GALNT9: variants seen among roughly 807,000 people sequenced by gnomAD.
GALNT9 encodes GalNAc transferase 9.
A neutral mutation model predicts 63.1 loss-of-function variants in GALNT9; 47 were observed. The observed-to-expected ratio is 0.75, with a 90% CI of 0.59 to 0.95. The LOEUF is 0.95. GALNT9 is among the 40% of genes least tolerant of loss of function. GALNT9 has a pLI of 0.00. For missense variants in GALNT9, 829 were observed against 874.8 expected, an observed-to-expected ratio of 0.95 and a Z score of 0.66; for synonymous variants, 396 against 365.7, an observed-to-expected ratio of 1.08 and a Z score of -0.94.
chr12:132,278,525 G>A (rs1478211223), intron 2 of GALNT9: 1 of 152,174 alleles, frequency 6.6e-6, no homozygotes, highest in Admixed American at 6.5e-5. Flanking sequence ...AACACCTGCG[G>A]GCCAGTGACT....
intron 1 of GALNT9, among the ~76,000 whole-genome samples, chr12:132,308,412 G>A (rs930046875): frequency 6.6e-5 from 10 of 152,224 alleles, no homozygotes; most frequent in African/African-American, 2.4e-4. Flanking sequence ...CCCTGCCCCG[G>A]GCCCCAGCGC....
chr12:132,221,464 G>C (rs1265898795), intron 6 of GALNT9, among the ~76,000 whole-genome samples: 1 of 149,692 alleles, frequency 6.7e-6, no homozygotes, highest in Non-Finnish European at 1.5e-5. Flanking sequence ...TTCAAGACCA[G>C]CCTGGCCAAC....
At chr12:132,322,018 C>T (rs1868826381) in intron 1 of GALNT9, among the ~76,000 whole-genome samples, 1 of 151,240 alleles carries the variant, frequency 6.6e-6, no homozygotes, top group Admixed American at 6.6e-5. Flanking sequence ...CCCACTGTCT[C>T]TCCTCGTCTT....
chr12:132,318,606 G>A (rs1868636802), intron 1 of GALNT9, among the ~76,000 whole-genome samples: 1 of 152,250 alleles, frequency 6.6e-6, no homozygotes, highest in African/African-American at 2.4e-5. Context: ...TGCAGGTTCA[G>A]GGCCGCCCTA....
At chr12:132,303,438 C>G (rs61945671) in intron 1 of GALNT9, among the ~76,000 whole-genome samples, 43,908 of 89,116 alleles carry the variant, frequency 0.49, 11,212 homozygotes, top group East Asian at 0.69. Flanking sequence ...CCCGGGCACA[C>G]CCTCGCCCGG....
Position 132,276,861 on chromosome 12 carries a change from T to C in GALNT9, c.419+9389A>G, listed in dbSNP as rs1273641327. ...GGAGAAAGTGGTGAGGAGTTGGGTT[T>C]GAAAGTGGATGGAATCACCTGTTGG... is the stretch of plus-strand genomic sequence containing the variant. On this transcript the variant is annotated intron_variant, in intron 2 of 10. Transcript: ENST00000328957. Among the ~76,000 whole-genome samples, 12 of 152,272 alleles carry C rather than the reference T, an allele frequency of 7.9e-5. No individual in the cohort carries two copies. In the Middle Eastern group the frequency reaches 0.01, roughly 129 times the overall value.
Position 132,327,947 on chromosome 12 carries a change from C to T in GALNT9, c.238+1019G>A, listed in dbSNP as rs1869109387. On this transcript the variant is annotated intron_variant, in intron 1 of 10. Coordinates refer to ENST00000328957, the MANE Select transcript of GALNT9 (RefSeq NM_001122636.2). This position sits in a 1 kb window ranked among gnomAD's most constrained non-coding sequence, Gnocchi z 4.3. The stretch of plus-strand genomic sequence containing the variant: ...GAGCCCCCGCCTGCCCGCGTAACCC[C>T]AGCTCCCGTCACCTCCCACTCGAGC... 6.6e-6 allele frequency among the ~76,000 whole-genome samples: 1 copy of T among 152,146 alleles called. No individual in the cohort carries two copies.
chr12:132,203,770 CCAAGG>C, intron 6 of GALNT9, 80 bp from the exon 7 acceptor site: 1 of 1,470,710 alleles, frequency 6.8e-7, no homozygotes, highest in African/African-American at 1.6e-5. Flanking sequence ...CCGTGAGAGG[CCAAGG>C]GGCCCGGCCC....
At chr12:132,204,525 G>A (rs1388180635) in intron 6 of GALNT9, among the ~76,000 whole-genome samples, 2 of 152,280 alleles carry the variant, frequency 1.3e-5, no homozygotes, top group East Asian at 3.9e-4. Context: ...ATTCGGGCTG[G>A]GACGTGGGTC....
At chr12:132,250,823 C>T (rs113737828) in intron 5 of GALNT9, among the ~76,000 whole-genome samples, 22,184 of 152,104 alleles carry the variant, frequency 0.15, 2,152 homozygotes, top group Non-Finnish European at 0.22. Flanking sequence ...CAGCTCATGC[C>T]GAGGTAAGAC....
intron 1 of GALNT9, among the ~76,000 whole-genome samples, chr12:132,320,090 G>T (rs974167766): frequency 1.3e-5 from 2 of 152,274 alleles, no homozygotes; most frequent in African/African-American, 2.4e-5. Context: ...TGCTAACAGG[G>T]CTGGCGAGCC....
chr12:132,325,924 A>G (rs1005333857), intron 1 of GALNT9, among the ~76,000 whole-genome samples: 1 of 152,270 alleles, frequency 6.6e-6, no homozygotes. Flanking sequence ...CTCCCAGCAG[A>G]GTGAGTCCAG....
chr12:132,300,398 C>T (rs1881249685), intron 1 of GALNT9, among the ~76,000 whole-genome samples: 1 of 132,588 alleles, frequency 7.5e-6, no homozygotes. Context: ...TAACTCACTC[C>T]CATAACTCAC....
rs1414425879 is a variant in GALNT9, at chr12:132,261,083, C to G, written c.626G>C (p.Arg209Pro). ...KFNLDQYVNKRYPGLVKIVRN... is the reference protein window; with the variant it reads ...KFNLDQYVNKPYPGLVKIVRN... ...GACAATCTTCACGAGGCCTGGGTAC[C>G]GCTTGTTGACGTACTGGTCCAGATT... is the stretch of plus-strand genomic sequence containing the variant. The change falls in exon 4 of 11, where the codon CGG (arginine) becomes CCG (proline). Residue 209 changes from arginine (R) to proline (P), a missense_variant. Arg to Pro is a moderately radical substitution (Grantham distance 103). Coordinates refer to ENST00000328957, the MANE Select transcript of GALNT9 (RefSeq NM_001122636.2). 3 of 1,551,590 alleles carry G rather than the reference C, an allele frequency of 1.9e-6. No homozygotes were observed. Among genetic ancestry groups the G allele is most frequent in the Non-Finnish European group, 2.6e-6 (3 of 1,146,994 alleles).
intron 6 of GALNT9, among the ~76,000 whole-genome samples, chr12:132,206,485 A>G (rs1394876082): frequency 6.6e-6 from 1 of 152,128 alleles, no homozygotes; most frequent in African/African-American, 2.4e-5. Flanking sequence ...CATGTCTACT[A>G]AAAATACAAA....
chr12:132,323,973 G>A (rs1372643179), intron 1 of GALNT9, among the ~76,000 whole-genome samples: 1 of 152,328 alleles, frequency 6.6e-6, no homozygotes, highest in African/African-American at 2.4e-5. Context: ...AACGTGGGAC[G>A]TTGTAATACA....
At chr12:132,308,754 G>A (rs1175841839) in intron 1 of GALNT9, among the ~76,000 whole-genome samples, 2 of 152,194 alleles carry the variant, frequency 1.3e-5, no homozygotes, top group African/African-American at 4.8e-5. Flanking sequence ...GAGGCTCACC[G>A]TGGCCATGCA....
chr12:132,313,477 C>T (rs1431961250), intron 1 of GALNT9, among the ~76,000 whole-genome samples: 4 of 146,124 alleles, frequency 2.7e-5, no homozygotes, highest in Non-Finnish European at 6.1e-5. Context: ...ATCCACCCAC[C>T]TAATCCATCC....
chr12:132,267,874 C>T (rs190320685), intron 2 of GALNT9, among the ~76,000 whole-genome samples: 33 of 141,198 alleles, frequency 2.3e-4, no homozygotes, highest in Middle Eastern at 3.8e-3. Context: ...ACGCATACAA[C>T]CCACATGCAC....
Sources: gnomAD v4.1 joint callset for allele counts (sites outside exome capture counted in the v4.1 genomes callset) on GRCh38, gnomAD v4.1.1 for gene constraint, Gnocchi (gnomAD v3.1) non-coding constraint, MANE v1.5 for transcripts, NCBI Gene and HGNC (gene_info 2026-07-23, HGNC 2026-07-21) for gene names.